ULK4: variants seen among roughly 807,000 people sequenced by gnomAD.
ULK4 encodes the protein unc-51 like kinase 4.
In ULK4, 133 loss-of-function variants were observed where a neutral mutation model predicts 160.6. The ratio of observed to expected loss-of-function variants is 0.83; its 90% CI spans 0.72 to 0.96. The LOEUF (loss-of-function observed/expected upper bound fraction) is 0.96, where lower values mean the gene tolerates loss of function less well. ULK4 is among the 40% of genes least tolerant of loss of function. The probability of loss-of-function intolerance (pLI) is 0.00; values close to 1 mark genes in which losing one functional copy is unlikely to be tolerated. For synonymous variants in ULK4, 534 were observed against 539.8 expected (o/e 0.99, Z 0.15); for missense variants, 1,580 against 1,499.5 (o/e 1.05, Z -0.89).
At chr3:41,303,984 C>A (rs1333386359) in intron 35 of ULK4, among the ~76,000 whole-genome samples, 2 of 152,070 alleles carry the variant, frequency 1.3e-5, no homozygotes, top group Non-Finnish European at 2.9e-5. Context: ...AAGAAACAGA[C>A]AACAGGGCAG....
chr3:41,524,189 A>G lies in ULK4; in HGVS notation c.3226+41836T>C, dbSNP rs148725243. On this transcript the variant is annotated intron_variant, in intron 32 of 36. Transcript: ENST00000301831. ...TCTGAGGTGACAAAAATGTTCTAAA[A>G]TTTATTGTGTCATGAATACACTAAA... is the stretch of plus-strand genomic sequence containing the variant. Among the ~76,000 whole-genome samples, 3 of 152,294 alleles carry G rather than the reference A, an allele frequency of 2.0e-5. No individual in the cohort carries two copies. In the East Asian group the frequency reaches 5.8e-4, roughly 29 times the overall value.
At chr3:41,388,877 T>C (rs1386400741) in intron 35 of ULK4, among the ~76,000 whole-genome samples, 1 of 152,198 alleles carries the variant, frequency 6.6e-6, no homozygotes, top group African/African-American at 2.4e-5. Flanking sequence ...TGGTTCCATA[T>C]GAACTTGAAA....
At position 41,752,952 on chromosome 3, in the gene ULK4, C is replaced by T. The variant is rs190414423; in HGVS notation, c.2321+1409G>A. Among the ~76,000 whole-genome samples the T allele has an allele frequency of 5.6e-3, 859 of 152,268 alleles. 12 individuals are homozygous for T. The highest frequency in any genetic ancestry group is 0.019 in the African/African-American group (800 of 41,546). On this transcript the variant is annotated intron_variant, in intron 22 of 36. Coordinates refer to ENST00000301831, the MANE Select transcript of ULK4 (RefSeq NM_017886.4). Reference sequence around the variant, plus strand: ...TGTGGGCTGGGTATGGTGGCTCATGCCTGTAATCCTAGCACTTTGGGAAGC... The same window carrying T: ...TGTGGGCTGGGTATGGTGGCTCATGTCTGTAATCCTAGCACTTTGGGAAGC...
intron 30 of ULK4, among the ~76,000 whole-genome samples, chr3:41,657,585 C>T (rs928718774): frequency 4.0e-5 from 6 of 151,748 alleles, no homozygotes; most frequent in Admixed American, 1.3e-4. Context: ...TTTAAGAGGC[C>T]GAGGTGGGTG....
At chr3:41,691,155 C>T (rs1407103075) in intron 27 of ULK4, among the ~76,000 whole-genome samples, 1 of 151,842 alleles carries the variant, frequency 6.6e-6, no homozygotes, top group Non-Finnish European at 1.5e-5. Context: ...CTTCTAGGAA[C>T]ATTCTAGTGG....
intron 32 of ULK4, among the ~76,000 whole-genome samples, chr3:41,490,513 C>A (rs1299318485): frequency 6.6e-6 from 1 of 152,170 alleles, no homozygotes; most frequent in African/African-American, 2.4e-5. Context: ...TTCCTCCACT[C>A]ACTACTTTCT....
intron 34 of ULK4, among the ~76,000 whole-genome samples, chr3:41,405,478 C>G (rs1314444902): frequency 6.6e-6 from 1 of 152,164 alleles, no homozygotes; most frequent in Non-Finnish European, 1.5e-5. Flanking sequence ...TTTGTTTTCT[C>G]TTGGATATAT....
chr3:41,674,807 C>T (rs1420739585), intron 29 of ULK4, among the ~76,000 whole-genome samples: 2 of 152,178 alleles, frequency 1.3e-5, no homozygotes, highest in Non-Finnish European at 2.9e-5. Flanking sequence ...AGAAGAAATA[C>T]AGGTACCTTA....
intron 34 of ULK4, among the ~76,000 whole-genome samples, chr3:41,430,453 T>C (rs982204089): frequency 2.0e-5 from 3 of 152,208 alleles, no homozygotes; most frequent in Non-Finnish European, 2.9e-5. Flanking sequence ...CTCTGCTTCG[T>C]GTGCCTTCAT....
At chr3:41,474,731 C>T (rs189139978) in intron 32 of ULK4, among the ~76,000 whole-genome samples, 183 of 146,476 alleles carry the variant, frequency 1.2e-3, no homozygotes, top group Middle Eastern at 6.9e-3. Flanking sequence ...CAAATGGCCA[C>T]GAGATACATG....
intron 35 of ULK4, among the ~76,000 whole-genome samples, chr3:41,358,835 C>T (rs1299185678): frequency 2.0e-5 from 3 of 151,954 alleles, no homozygotes; most frequent in Non-Finnish European, 4.4e-5. Flanking sequence ...ATGGCTCTGG[C>T]TGCTGTGTTG....
chr3:41,468,850 A>G (rs141884427), intron 32 of ULK4, among the ~76,000 whole-genome samples: 50 of 152,284 alleles, frequency 3.3e-4, no homozygotes, highest in African/African-American at 1.0e-3. Flanking sequence ...TGGGGAACAC[A>G]AGGGAAAATG....
intron 32 of ULK4, among the ~76,000 whole-genome samples, chr3:41,496,874 T>A (rs1176677185): frequency 6.6e-6 from 1 of 152,110 alleles, no homozygotes; most frequent in Non-Finnish European, 1.5e-5. Context: ...AAGCCTTGAA[T>A]AAATCTAGCT....
At chr3:41,817,738 A>G (rs1334990663) in intron 19 of ULK4, among the ~76,000 whole-genome samples, 1 of 152,084 alleles carries the variant, frequency 6.6e-6, no homozygotes, top group African/African-American at 2.4e-5. Context: ...CATGTAACAA[A>G]CCTGCACATG....
intron 35 of ULK4, among the ~76,000 whole-genome samples, chr3:41,307,187 G>A (rs1041668882): frequency 4.0e-5 from 6 of 151,506 alleles, no homozygotes; most frequent in African/African-American, 1.5e-4. Flanking sequence ...GAATAGGACA[G>A]TGAGTGAAGG....
intron 34 of ULK4, among the ~76,000 whole-genome samples, chr3:41,416,174 G>A (rs2082521765): frequency 6.6e-6 from 1 of 152,210 alleles, no homozygotes; most frequent in African/African-American, 2.4e-5. Flanking sequence ...TTCAAGACCT[G>A]ACAGAGAAGA....
At chr3:41,479,549 T>G (rs534923955) in intron 32 of ULK4, among the ~76,000 whole-genome samples, 2 of 152,004 alleles carry the variant, frequency 1.3e-5, no homozygotes, top group East Asian at 3.9e-4. Context: ...TTTGGACAGG[T>G]AGAATGGAGG....
rs551045502 is a variant in ULK4, at chr3:41,852,306, A to G, written c.1657-16335T>C. 2.6e-5 allele frequency among the ~76,000 whole-genome samples: 4 copies of G among 152,024 alleles called. No homozygotes were observed. The East Asian group carries it at 7.7e-4, about 29-fold the overall frequency. ...GATTCACAGCCGAAAACTACTCTTT[A>G]AAAAAAATTTGTTTTCATTTTAAAA... On this transcript the variant is annotated intron_variant, in intron 17 of 36. Transcript: ENST00000301831.
intron 32 of ULK4, among the ~76,000 whole-genome samples, chr3:41,490,674 T>C (rs1416861062): frequency 1.3e-5 from 2 of 152,202 alleles, no homozygotes; most frequent in South Asian, 2.1e-4. Flanking sequence ...TTTTAAAATA[T>C]TGAATATATA....
Sources: gnomAD v4.1 joint callset for allele counts (sites outside exome capture counted in the v4.1 genomes callset) on GRCh38, gnomAD v4.1.1 for gene constraint, MANE v1.5 for transcripts, NCBI Gene and HGNC (gene_info 2026-07-23, HGNC 2026-07-21) for gene names.